The following PCNX1 variants were observed in gnomAD, a reference collection of about 807,000 sequenced individuals.
The protein encoded by PCNX1 is pecanex 1, also known as pecanex-like protein 1.
PCNX1 carries 78 observed loss-of-function variants against 242.2 expected under a neutral mutation model. That is an observed-to-expected ratio of 0.32 (90% CI 0.27 to 0.39). The LOEUF (loss-of-function observed/expected upper bound fraction) is 0.39. PCNX1 is among the 10% of genes least tolerant of loss of function. The pLI is 1.00. For synonymous variants in PCNX1, 1,024 were observed against 1,032.9 expected (o/e 0.99, Z 0.17); for missense variants, 2,581 against 2,856.5 (o/e 0.90, Z 2.20).
At chr14:70,970,454 G>A (rs2058508303) in intron 5 of PCNX1, among the ~76,000 whole-genome samples, 1 of 152,164 alleles carries the variant, frequency 6.6e-6, no homozygotes, top group Admixed American at 6.5e-5. Context: ...GACCATTACA[G>A]TGTCTCAACA....
At chr14:71,016,967 TA>T (rs370310394) in intron 11 of PCNX1, among the ~76,000 whole-genome samples, 3 of 152,076 alleles carry the variant, frequency 2.0e-5, no homozygotes, top group Non-Finnish European at 2.9e-5. Context: ...AGCTAAAGGC[TA>T]AACCTTTAGC....
chr14:70,977,543 T>A lies in PCNX1; in HGVS notation c.1206T>A (p.Ser402Arg). The A allele has an allele frequency of 3.1e-6, 5 of 1,614,096 alleles. No homozygotes were observed. Among genetic ancestry groups the A allele is most frequent in the Non-Finnish European group, 3.4e-6 (4 of 1,180,018 alleles). The change falls in exon 6 of 36, where the codon AGT (serine) becomes AGA (arginine). Residue 402 changes from serine to arginine, a missense_variant. Transcript: ENST00000304743. ...ACAGTACTGTCAGCAGCTATAAAAG[T>A]GAGCAGACCAGCTCAACTCACATAG... is the stretch of plus-strand genomic sequence containing the variant. ...DTNSTVSSYK[S>R]EQTSSTHIES... is the part of the protein sequence containing the mutation.
At chr14:70,924,628 C>G (rs974994873) in intron 1 of PCNX1, among the ~76,000 whole-genome samples, 3 of 152,148 alleles carry the variant, frequency 2.0e-5, no homozygotes, top group African/African-American at 7.2e-5. Context: ...AATTCTCTCA[C>G]CCAGGCTGGA....
At chr14:70,930,321 CAAGCTGCTCATCT>C (rs1236300553) in intron 1 of PCNX1, among the ~76,000 whole-genome samples, 1 of 152,082 alleles carries the variant, frequency 6.6e-6, no homozygotes, top group Non-Finnish European at 1.5e-5. Flanking sequence ...TCATATGGAT[CAAGCTGCTCATCT>C]CTAACTCCTG....
At chr14:70,955,064 G>A (rs2057940760) in intron 2 of PCNX1, among the ~76,000 whole-genome samples, 1 of 152,158 alleles carries the variant, frequency 6.6e-6, no homozygotes, top group Admixed American at 6.5e-5. Context: ...GAGCTTTATG[G>A]TTTTCATTGG....
At chr14:70,939,758 G>T in intron 1 of PCNX1, among the ~76,000 whole-genome samples, 1 of 152,146 alleles carries the variant, frequency 6.6e-6, no homozygotes. Context: ...TATTGTGTGG[G>T]AGTCTAAGTC....
At chr14:70,985,462 C>T (rs1293309468) in intron 6 of PCNX1, among the ~76,000 whole-genome samples, 1 of 152,094 alleles carries the variant, frequency 6.6e-6, no homozygotes, top group Admixed American at 6.5e-5. Context: ...GATCCACCCA[C>T]CTCGGCCTCC....
Position 70,961,884 on chromosome 14 carries a change from G to A in PCNX1, c.363-342G>A, listed in dbSNP as rs112213902. Among the ~76,000 whole-genome samples, 664 of 152,222 alleles carry A rather than the reference G, an allele frequency of 4.4e-3. 3 individuals are homozygous for A. Among genetic ancestry groups the A allele is most frequent in the Non-Finnish European group, 6.7e-3 (458 of 68,008 alleles). On this transcript the variant is annotated intron_variant, in intron 2 of 35. Transcript: ENST00000304743. ...TCTCTTTGCTCTAGGGAAGCAAAAG[G>A]CAATCATTTCTTTGTGAGAGTGGTT... is the stretch of plus-strand genomic sequence containing the variant.
At position 71,111,067 on chromosome 14, in the gene PCNX1, T is replaced by G. The variant is rs535936273; in HGVS notation, c.*1132T>G. 2 of 152,764 alleles carry G rather than the reference T, an allele frequency of 1.3e-5. No individual in the cohort carries two copies. The highest frequency in any genetic ancestry group is 6.5e-5 in the Admixed American group (1 of 15,302). 9.5% of individuals were successfully genotyped at this position (152,764 alleles called of 1,614,324 possible). On this transcript the variant is annotated 3_prime_UTR_variant, in exon 36 of 36. Coordinates refer to ENST00000304743, the MANE Select transcript of PCNX1 (RefSeq NM_014982.3). ...CTTTAATAATTTTGCTTTTTATTTTTCCCCTCTTCTTTTTCTGTTACTTGA... is the reference window on the plus strand; with the variant it reads ...CTTTAATAATTTTGCTTTTTATTTTGCCCCTCTTCTTTTTCTGTTACTTGA...
chr14:70,958,058 C>T (rs546292755), intron 2 of PCNX1, among the ~76,000 whole-genome samples: 4 of 152,248 alleles, frequency 2.6e-5, no homozygotes, highest in South Asian at 4.1e-4. Context: ...TAAAGTTTTT[C>T]CAATTTAGAA....
intron 1 of PCNX1, among the ~76,000 whole-genome samples, chr14:70,940,257 G>C (rs1231433013): frequency 6.6e-6 from 1 of 152,204 alleles, no homozygotes; most frequent in African/African-American, 2.4e-5. Flanking sequence ...TGTTTTTGCA[G>C]TGGTTGCTAC....
At chr14:71,101,261 G>T (rs1410209567) in intron 30 of PCNX1, among the ~76,000 whole-genome samples, 1 of 152,154 alleles carries the variant, frequency 6.6e-6, no homozygotes, top group Non-Finnish European at 1.5e-5. Flanking sequence ...CAAAACTGCA[G>T]ATTTGTGTTA....
chr14:71,001,897 C>T (rs1404970490), intron 8 of PCNX1, among the ~76,000 whole-genome samples: 4 of 152,210 alleles, frequency 2.6e-5, no homozygotes, highest in Non-Finnish European at 5.9e-5. Flanking sequence ...CTGCTGTAGT[C>T]GTTGACATTT....
intron 28 of PCNX1, among the ~76,000 whole-genome samples, chr14:71,079,991 T>G (rs1392441982): frequency 1.3e-5 from 2 of 152,232 alleles, no homozygotes; most frequent in African/African-American, 2.4e-5. Context: ...CTTCTAGAGT[T>G]TTTATGGATT....
intron 2 of PCNX1, among the ~76,000 whole-genome samples, chr14:70,949,112 G>A (rs1197627991): frequency 1.4e-5 from 2 of 138,288 alleles, no homozygotes; most frequent in Admixed American, 7.1e-5. Flanking sequence ...ATGTATATAC[G>A]TATATGTGTA....
intron 18 of PCNX1, among the ~76,000 whole-genome samples, chr14:71,034,613 C>A (rs1014686495): frequency 1.3e-5 from 2 of 152,082 alleles, no homozygotes; most frequent in Admixed American, 6.6e-5. Flanking sequence ...AAAATGAATT[C>A]TGTAAAATTG....
intron 5 of PCNX1, among the ~76,000 whole-genome samples, chr14:70,974,417 G>A (rs1056961409): frequency 2.0e-5 from 3 of 151,992 alleles, no homozygotes; most frequent in African/African-American, 7.2e-5. Flanking sequence ...ACAGGCGTGA[G>A]CCACTGCACC....
At chr14:70,912,894 A>G (rs562899480) in intron 1 of PCNX1, among the ~76,000 whole-genome samples, 3 of 152,186 alleles carry the variant, frequency 2.0e-5, no homozygotes, top group African/African-American at 7.2e-5. Flanking sequence ...TTCTGAAAGG[A>G]TACTCTTCCT....
In PCNX1 at chr14:70,977,371, T is replaced by G. The variant is rs1387660324; in HGVS notation, c.1034T>G (p.Leu345Trp). 1.2e-6 allele frequency: 2 copies of G among 1,613,948 alleles called. No individual in the cohort carries two copies. Among genetic ancestry groups the G allele is most frequent in the Non-Finnish European group, 1.7e-6 (2 of 1,180,038 alleles). ...GGGGAATTTCAGCTTGCTGGTGACT[T>G]GAAAATCAATACTTCTCAGCCACCC... Reference protein sequence around the residue: ...LSGEFQLAGDLKINTSQPPTK... With the variant: ...LSGEFQLAGDWKINTSQPPTK... Residue 345 changes from leucine to tryptophan, a missense_variant, in exon 6 of 36, where the codon TTG becomes TGG. Around this residue, in one of 9 missense-constraint regions of PCNX1, gnomAD observed 1,204 missense variants for 1,216.7 expected, o/e 0.99. Coordinates refer to ENST00000304743, the MANE Select transcript of PCNX1 (RefSeq NM_014982.3).
Sources: allele counts gnomAD v4.1 joint callset (sites outside exome capture counted in the v4.1 genomes callset), GRCh38; gene constraint gnomAD v4.1.1; regional missense constraint gnomAD v4.1.1; transcripts MANE v1.5; gene names NCBI Gene and HGNC (gene_info 2026-07-23, HGNC 2026-07-21).